The following SPOPL variants were observed in gnomAD, a reference collection of about 807,000 sequenced individuals.
SPOPL encodes speckle-type POZ protein-like.
Under a neutral mutation model 53.8 loss-of-function variants are expected in SPOPL, and 23 were observed. That is an observed-to-expected ratio of 0.43 (90% confidence interval 0.31 to 0.61). SPOPL has a LOEUF of 0.61. Ranked by LOEUF, SPOPL falls within the 20% of genes least tolerant of loss-of-function variation. The probability of loss-of-function intolerance (pLI) is 0.12; values close to 1 mark genes in which losing one functional copy is unlikely to be tolerated. For missense variants in SPOPL, 442 were observed against 466.9 expected, an observed-to-expected ratio of 0.95 and a Z score of 0.49; for synonymous variants, 164 against 149.7, an observed-to-expected ratio of 1.10 and a Z score of -0.70.
rs1685788087 is a variant in SPOPL at position 138,571,810 on chromosome 2, C to T, written c.*2730C>T. 1 of 152,550 alleles carries T rather than the reference C, an allele frequency of 6.6e-6. No homozygotes were observed. The highest frequency in any genetic ancestry group is 2.4e-5 in the African/African-American group (1 of 41,412). 9.4% of individuals were successfully genotyped at this position (152,550 alleles called of 1,614,324 possible). ...TACTATAAGAATAATCATTGGGTAA[C>T]TGTTGTTTAGACCAACACTTAGAAA... On this transcript the variant is annotated 3_prime_UTR_variant, in exon 11 of 11. Transcript: ENST00000280098.
chr2:138,522,392 T>C (rs1416492755), intron 1 of SPOPL, among the ~76,000 whole-genome samples: 1 of 152,152 alleles, frequency 6.6e-6, no homozygotes, highest in Non-Finnish European at 1.5e-5. Flanking sequence ...ATTTCACTTA[T>C]GCCTCAAGGA....
chr2:138,509,131 C>G (rs1249824207), intron 1 of SPOPL, among the ~76,000 whole-genome samples: 1 of 151,884 alleles, frequency 6.6e-6, no homozygotes. Flanking sequence ...ATGGTTGGGA[C>G]AGGTTAGATA....
At chr2:138,522,600 T>C (rs1684582471) in intron 1 of SPOPL, among the ~76,000 whole-genome samples, 1 of 152,196 alleles carries the variant, frequency 6.6e-6, no homozygotes, top group African/African-American at 2.4e-5. Context: ...TATTTTTTCC[T>C]GTCCTTAGCC....
At chr2:138,565,040 G>C (rs1685631823) in intron 10 of SPOPL, 47 bp downstream of exon 10, 1 of 1,604,712 alleles carries the variant, frequency 6.2e-7, no homozygotes, top group African/African-American at 1.3e-5. Flanking sequence ...ACATAAGTGA[G>C]ATTAAGTGTT....
At chr2:138,514,164 G>A (rs1195621052) in intron 1 of SPOPL, among the ~76,000 whole-genome samples, 1 of 152,112 alleles carries the variant, frequency 6.6e-6, no homozygotes, top group East Asian at 1.9e-4. Context: ...CCTGCGCTGG[G>A]GTAACAGCCT....
At chr2:138,529,533 TGTTTGC>T (rs1180650740) in intron 1 of SPOPL, among the ~76,000 whole-genome samples, 3 of 89,318 alleles carry the variant, frequency 3.4e-5, no homozygotes, top group Non-Finnish European at 5.6e-5. Context: ...TGTGTGTGTG[TGTTTGC>T]GTGCGCGCGC....
chr2:138,546,725 ATTACT>A (rs58615112), intron 1 of SPOPL, among the ~76,000 whole-genome samples: 18,232 of 152,040 alleles, frequency 0.12, 1,364 homozygotes, highest in East Asian at 0.26. Flanking sequence ...CTATTTTCTA[ATTACT>A]TTAAAGTAAG....
intron 7 of SPOPL, among the ~76,000 whole-genome samples, chr2:138,559,675 A>G (rs1558880109): frequency 6.6e-6 from 1 of 152,190 alleles, no homozygotes; most frequent in Non-Finnish European, 1.5e-5. Flanking sequence ...GTAAGACTTT[A>G]TGGATTGATT....
intron 1 of SPOPL, among the ~76,000 whole-genome samples, chr2:138,538,676 T>C (rs1250031881): frequency 1.3e-5 from 2 of 152,226 alleles, no homozygotes; most frequent in Non-Finnish European, 2.9e-5. Flanking sequence ...TTTGCAACTC[T>C]GCCTTAGTCT....
At chr2:138,510,481 A>C (rs574553166) in intron 1 of SPOPL, among the ~76,000 whole-genome samples, 1 of 152,138 alleles carries the variant, frequency 6.6e-6, no homozygotes, top group Admixed American at 6.5e-5. Context: ...CTGATTTTCT[A>C]CCTGCTGGAT....
At position 138,560,852 on chromosome 2, in the gene SPOPL, G is replaced by A; in HGVS notation, c.762G>A (p.Met254Ile). 6.2e-7 allele frequency: 1 copy of A among 1,609,414 alleles called. No individual in the cohort carries two copies. Among genetic ancestry groups the A allele is most frequent in the South Asian group, 1.1e-5 (1 of 89,956 alleles). The change falls in exon 8 of 11, where the codon ATG becomes ATA. Residue 254 changes from methionine to isoleucine, a missense_variant. By Grantham distance (10) the Met-to-Ile change is conservative. Transcript: ENST00000280098. Reference sequence around the variant, plus strand: ...TAGACCCTGAAGTTTTTAAAGAAATGATGAGATTCATTTACACAGGGAGAG... The same window carrying A: ...TAGACCCTGAAGTTTTTAAAGAAATAATGAGATTCATTTACACAGGGAGAG... The part of the protein sequence containing the change: ...NDLDPEVFKE[M>I]MRFIYTGRAP...
At chr2:138,566,212 C>G (rs146280286) in intron 10 of SPOPL, among the ~76,000 whole-genome samples, 1 of 151,982 alleles carries the variant, frequency 6.6e-6, no homozygotes, top group Non-Finnish European at 1.5e-5. Context: ...TTGTATAATA[C>G]GTTGGTCAGT....
Position 138,561,724 on chromosome 2 carries a change from T to C in SPOPL, c.837+797T>C, listed in dbSNP as rs572007382. Among the ~76,000 whole-genome samples the C allele has an allele frequency of 1.2e-3, 190 of 152,266 alleles. 1 individual carries two copies. Among genetic ancestry groups the C allele is most frequent in the Middle Eastern group, 0.01 (3 of 294 alleles). Reference sequence around the variant, plus strand: ...ATCATCAGTATTAAATACATAGATATACATTTGAAAAAAGAGGGTTAAAAC... The same window carrying C: ...ATCATCAGTATTAAATACATAGATACACATTTGAAAAAAGAGGGTTAAAAC... On this transcript the variant is annotated intron_variant, in intron 8 of 10. Transcript: ENST00000280098.
chr2:138,565,023 T>TTGC, intron 10 of SPOPL, 30 bp downstream of exon 10: 1 of 1,613,094 alleles, frequency 6.2e-7, no homozygotes, highest in Middle Eastern at 1.8e-4. Flanking sequence ...TGACTCAAAG[T>TTGC]TGCTCTACAT....
chr2:138,550,333 TA>T (rs756544857), intron 2 of SPOPL, 39 bp downstream of exon 2: 2 of 1,609,926 alleles, frequency 1.2e-6, no homozygotes, highest in Non-Finnish European at 1.7e-6. Flanking sequence ...ATGTCACTTA[TA>T]AATTTTACAG....
chr2:138,570,499 GAGAAGC>G lies in SPOPL; in HGVS notation c.*1428_*1433del, dbSNP rs761466037. The G allele has an allele frequency of 1.3e-5, 2 of 152,250 alleles. No homozygotes were observed. The highest frequency in any genetic ancestry group is 2.9e-5 in the Non-Finnish European group (2 of 68,008). 9.4% of individuals were successfully genotyped at this position (152,250 alleles called of 1,614,324 possible). On this transcript the variant is annotated 3_prime_UTR_variant, in exon 11 of 11. Transcript: ENST00000280098. ...AGGTTTGTTCTGGTGCATTGTCCTG[GAGAAGC>G]AGAAGCAGTCAGTGTTGGGGTACCA... is the stretch of plus-strand genomic sequence containing the variant.
Position 138,526,223 on chromosome 2 carries a change from TATGAAATGTAATCCTGTGTAC to T in SPOPL, c.-60-23927_-60-23907del, listed in dbSNP as rs1218077377. On this transcript the variant is annotated intron_variant, in intron 1 of 10. Coordinates refer to ENST00000280098, the MANE Select transcript of SPOPL (RefSeq NM_001001664.3). Reference sequence around the variant, plus strand: ...AACAAAGTGGAATGGACCCACAGAGTATGAAATGTAATCCTGTGTACATGAAAATTTCATCAATTGAAAATT... The same window carrying T: ...AACAAAGTGGAATGGACCCACAGAGTATGAAAATTTCATCAATTGAAAATT... Among the ~76,000 whole-genome samples the T allele has an allele frequency of 2.6e-5, 4 of 152,278 alleles. No homozygotes were observed. In the East Asian group the frequency reaches 7.7e-4, roughly 29 times the overall value.
At chr2:138,540,120 C>T (rs1685035713) in intron 1 of SPOPL, among the ~76,000 whole-genome samples, 1 of 152,188 alleles carries the variant, frequency 6.6e-6, no homozygotes, top group African/African-American at 2.4e-5. Flanking sequence ...TGTTTTGTTA[C>T]CAGTACCATG....
intron 10 of SPOPL, among the ~76,000 whole-genome samples, chr2:138,565,735 AT>A (rs1191604759): frequency 0.013 from 1,811 of 142,804 alleles, 6 homozygotes; most frequent in African/African-American, 0.019. Flanking sequence ...GAAAGTGGGA[AT>A]TTTTTTTTTT....
Sources: allele counts gnomAD v4.1 joint callset (sites outside exome capture counted in the v4.1 genomes callset), GRCh38; gene constraint gnomAD v4.1.1; transcripts MANE v1.5; gene names NCBI Gene and HGNC (gene_info 2026-07-23, HGNC 2026-07-21).